FBLN7: variants seen among roughly 807,000 people sequenced by gnomAD.
FBLN7 encodes the protein fibulin 7, also known as fibulin-7.
A neutral mutation model predicts 44.0 loss-of-function variants in FBLN7; 31 were observed. That is an observed-to-expected ratio of 0.70 (90% CI 0.53 to 0.95). FBLN7 has a LOEUF of 0.95. Ranked by LOEUF, FBLN7 falls within the 40% of genes least tolerant of loss-of-function variation. The pLI, the probability that FBLN7 is intolerant of heterozygous loss-of-function variation, is 0.00. For missense variants in FBLN7, 573 were observed against 618.5 expected (o/e 0.93, Z 0.78); for synonymous variants, 262 against 253.4 (o/e 1.03, Z -0.32).
intron 1 of FBLN7, among the ~76,000 whole-genome samples, chr2:112,140,475 A>G (rs1680585391): frequency 6.6e-6 from 1 of 152,096 alleles, no homozygotes; most frequent in Non-Finnish European, 1.5e-5. Flanking sequence ...GTTTTCAGAG[A>G]GAGGTGCAGG....
the FBLN7 span, among the ~76,000 whole-genome samples, chr2:112,210,393 C>T: frequency 5.3e-5 from 8 of 152,006 alleles, no homozygotes; most frequent in Non-Finnish European, 8.8e-5. Context: ...CGGTGCCTCA[C>T]GCCTGTAACC....
intron 1 of FBLN7, among the ~76,000 whole-genome samples, chr2:112,150,047 GA>G (rs1457077533): frequency 2.0e-5 from 3 of 152,198 alleles, no homozygotes; most frequent in Non-Finnish European, 4.4e-5. Flanking sequence ...TGGTGACTGG[GA>G]GGGAACTGGA....
chr2:112,186,270 A>G (rs1218881124), intron 7 of FBLN7, among the ~76,000 whole-genome samples: 1 of 152,220 alleles, frequency 6.6e-6, no homozygotes, highest in East Asian at 1.9e-4. Flanking sequence ...TTTTAACAAC[A>G]TAGAGAAATA....
At chr2:112,154,326 C>G (rs1057491710) in intron 1 of FBLN7, among the ~76,000 whole-genome samples, 5 of 152,186 alleles carry the variant, frequency 3.3e-5, no homozygotes, top group Non-Finnish European at 7.3e-5. Context: ...GGGGATCTCT[C>G]TAAGAAAAAG....
At chr2:112,189,264 T>C (rs1683403592), downstream of FBLN7, 1 of 152,172 alleles carries the variant, frequency 6.6e-6, no homozygotes, top group Non-Finnish European at 1.5e-5. Context: ...AAAGCAACAA[T>C]TTCCATCACC....
At chr2:112,196,910 T>C in the FBLN7 span, among the ~76,000 whole-genome samples, 1 of 152,120 alleles carries the variant, frequency 6.6e-6, no homozygotes, top group Non-Finnish European at 1.5e-5. Context: ...ATGTCTTACA[T>C]AGCAGCAGAC....
chr2:112,215,625 T>C, the FBLN7 span: 6 of 152,350 alleles, frequency 3.9e-5, no homozygotes, highest in South Asian at 1.0e-3. Flanking sequence ...CGAGTTTCCA[T>C]TTCATGGTAT....
chr2:112,159,865 G>C (rs1420016089), intron 2 of FBLN7, 30 bp downstream of exon 2: 1 of 1,495,568 alleles, frequency 6.7e-7, no homozygotes, highest in Admixed American at 2.2e-5. Context: ...CCGCTGGGGC[G>C]GCAGCGCAGC....
chr2:112,211,651 CCTG>C, the FBLN7 span: 5 of 152,090 alleles, frequency 3.3e-5, no homozygotes, highest in Non-Finnish European at 5.9e-5. Flanking sequence ...AAAACAATAA[CCTG>C]CTAATTAAAA....
intron 3 of FBLN7, among the ~76,000 whole-genome samples, chr2:112,165,923 A>C (rs1682130960): frequency 6.6e-6 from 1 of 152,282 alleles, no homozygotes; most frequent in Non-Finnish European, 1.5e-5. Context: ...AGTCATTTTC[A>C]GAGCAAGGTT....
intron 1 of FBLN7, among the ~76,000 whole-genome samples, chr2:112,158,475 G>T (rs1186553387): frequency 1.3e-5 from 2 of 151,396 alleles, no homozygotes; most frequent in Non-Finnish European, 2.9e-5. Context: ...TTGCTCTGTT[G>T]CCCAGCCTGG....
At chr2:112,154,397 T>A (rs1681311916) in intron 1 of FBLN7, among the ~76,000 whole-genome samples, 1 of 152,188 alleles carries the variant, frequency 6.6e-6, no homozygotes, top group African/African-American at 2.4e-5. Flanking sequence ...GACCCAGACA[T>A]GGCAGCTTCC....
chr2:112,138,411 G>T lies in FBLN7; in HGVS notation c.-245G>T, dbSNP rs1298165800. 9.2e-6 allele frequency: 2 copies of T among 216,692 alleles called. No individual in the cohort carries two copies. Among genetic ancestry groups the T allele is most frequent in the Non-Finnish European group, 1.7e-5 (2 of 114,886 alleles). 13.4% of individuals were successfully genotyped at this position (216,692 alleles called of 1,614,324 possible). On this transcript the variant is annotated 5_prime_UTR_variant, in exon 1 of 8. Coordinates refer to ENST00000331203, the MANE Select transcript of FBLN7 (RefSeq NM_153214.3). ...TTAGCCCAGGGGCCGGCGCCTCCCC[G>T]CCTCGCGCGGACTGTCTCGTGCGGG... is the stretch of plus-strand genomic sequence containing the variant.
At chr2:112,157,372 TA>T (rs542582269) in intron 1 of FBLN7, among the ~76,000 whole-genome samples, 14 of 151,138 alleles carry the variant, frequency 9.3e-5, no homozygotes, top group Admixed American at 2.6e-4. Flanking sequence ...TCTATCTCAT[TA>T]AAAAAAAATT....
intron 2 of FBLN7, 71 bp downstream of exon 2, chr2:112,159,906 C>G: frequency 1.5e-6 from 2 of 1,331,710 alleles, no homozygotes; most frequent in Non-Finnish European, 9.7e-7. Context: ...ACGCTCCCAG[C>G]TGGAGGCCCC....
chr2:112,182,019 G>A, intron 5 of FBLN7, 143 bp downstream of exon 5: 1 of 1,053,190 alleles, frequency 9.5e-7, no homozygotes, highest in Non-Finnish European at 1.3e-6. Flanking sequence ...TGCATTATAG[G>A]TAAGTGTTGA....
chr2:112,173,869 G>T (rs778814881), intron 3 of FBLN7, among the ~76,000 whole-genome samples: 1 of 152,254 alleles, frequency 6.6e-6, no homozygotes, highest in Non-Finnish European at 1.5e-5. Context: ...GATAAAGAGA[G>T]TCTGAATGCA....
chr2:112,183,209 C>G (rs1683089696), intron 6 of FBLN7, among the ~76,000 whole-genome samples: 1 of 152,188 alleles, frequency 6.6e-6, no homozygotes, highest in Non-Finnish European at 1.5e-5. Flanking sequence ...CAATTCTACC[C>G]ACTCAACAAT....
chr2:112,233,000 T>G, the FBLN7 span, among the ~76,000 whole-genome samples: 1 of 152,234 alleles, frequency 6.6e-6, no homozygotes, highest in East Asian at 1.9e-4. Flanking sequence ...TAAGTCTTTC[T>G]GGGATTTGAA....
Sources: gnomAD v4.1 joint callset for allele counts (sites outside exome capture counted in the v4.1 genomes callset) on GRCh38, gnomAD v4.1.1 for gene constraint, MANE v1.5 for transcripts, NCBI Gene and HGNC (gene_info 2026-07-23, HGNC 2026-07-21) for gene names.